The following GNB1 variants were observed in gnomAD, a reference collection of about 807,000 sequenced individuals.
GNB1 encodes guanine nucleotide-binding protein G(I)/G(S)/G(T) subunit beta-1.
GNB1 carries 2 observed loss-of-function variants against 42.9 expected under a neutral mutation model. That is an observed-to-expected ratio of 0.05 (90% CI 0.02 to 0.15). The LOEUF is 0.15. Among genes scored for constraint, GNB1 ranks in the 10% least tolerant of loss-of-function variants. The pLI is 1.00. For missense variants in GNB1, 193 were observed against 462.2 expected (o/e 0.42, Z 5.34); for synonymous variants, 183 against 174.7 (o/e 1.05, Z -0.38).
At chr1:1,822,639 A>G (rs1016589469) in intron 3 of GNB1, among the ~76,000 whole-genome samples, 1 of 152,100 alleles carries the variant, frequency 6.6e-6, no homozygotes, top group African/African-American at 2.4e-5. Context: ...TTATGTGGCA[A>G]CAAGAGCATG....
intron 7 of GNB1, among the ~76,000 whole-genome samples, chr1:1,800,150 TA>T (rs1646604625): frequency 6.6e-6 from 1 of 152,068 alleles, no homozygotes; most frequent in Non-Finnish European, 1.5e-5. Flanking sequence ...CTACATGTAC[TA>T]AAAAAATAGC....
intron 1 of GNB1, among the ~76,000 whole-genome samples, chr1:1,877,254 C>T (rs917887984): frequency 2.7e-5 from 4 of 148,256 alleles, no homozygotes; most frequent in African/African-American, 7.5e-5. Context: ...GAGCCGAGAT[C>T]GCGCCTCTGC....
chr1:1,816,342 C>T (rs1570661000), intron 4 of GNB1, among the ~76,000 whole-genome samples: 1 of 152,232 alleles, frequency 6.6e-6, no homozygotes, highest in African/African-American at 2.4e-5. Context: ...GCTGTACACA[C>T]ACCTGCTGAG....
At chr1:1,818,768 C>T (rs962703238) in intron 3 of GNB1, among the ~76,000 whole-genome samples, 1 of 152,056 alleles carries the variant, frequency 6.6e-6, no homozygotes, top group African/African-American at 2.4e-5. Flanking sequence ...GAGGCTGAGG[C>T]AGGAGAATCA....
At chr1:1,819,462 C>T (rs1646901552) in intron 3 of GNB1, among the ~76,000 whole-genome samples, 1 of 152,098 alleles carries the variant, frequency 6.6e-6, no homozygotes, top group South Asian at 2.1e-4. Flanking sequence ...CTCAGGTGAT[C>T]CGCTCATCTC....
rs1379513066 is a variant in GNB1, at chr1:1,853,908, G to T, written c.-95-14670C>A. Among the ~76,000 whole-genome samples, 6 of 152,140 alleles carry T rather than the reference G, an allele frequency of 3.9e-5. No homozygotes were observed. The East Asian group carries it at 1.2e-3, about 29-fold the overall frequency. ...CATATTATATAACAACATGAAAATA[G>T]GATAGAAGTGTCAATTGTTGATAAA... On this transcript the variant is annotated intron_variant, in intron 1 of 11. Coordinates refer to ENST00000378609, the MANE Select transcript of GNB1 (RefSeq NM_002074.5).
intron 1 of GNB1, among the ~76,000 whole-genome samples, chr1:1,846,588 C>T: frequency 6.6e-6 from 1 of 152,086 alleles, no homozygotes; most frequent in East Asian, 1.9e-4. Flanking sequence ...ATCAATCAAT[C>T]AGAGTCTCAC....
chr1:1,802,561 G>A (rs1262696795), intron 7 of GNB1, among the ~76,000 whole-genome samples: 2 of 152,090 alleles, frequency 1.3e-5, no homozygotes, highest in African/African-American at 4.8e-5. Context: ...TTGCAGTCAG[G>A]AGTTCAAGAC....
chr1:1,885,187 CG>C (rs1650079713), intron 1 of GNB1, among the ~76,000 whole-genome samples: 1 of 151,214 alleles, frequency 6.6e-6, no homozygotes, highest in Non-Finnish European at 1.5e-5. Flanking sequence ...CGGAGGCGGG[CG>C]GATCACTTGA....
intron 2 of GNB1, among the ~76,000 whole-genome samples, chr1:1,836,695 C>A (rs1647155013): frequency 6.6e-6 from 1 of 152,062 alleles, no homozygotes; most frequent in South Asian, 2.1e-4. Flanking sequence ...GGATTATAGG[C>A]ATAAGCCACT....
At chr1:1,801,902 A>G (rs757897164) in intron 7 of GNB1, among the ~76,000 whole-genome samples, 15 of 152,348 alleles carry the variant, frequency 9.8e-5, no homozygotes, top group Non-Finnish European at 1.5e-4. Context: ...AAGGACCCCC[A>G]TGAAGGCAGG....
chr1:1,795,700 C>G (rs1175034692), intron 7 of GNB1, among the ~76,000 whole-genome samples: 1 of 152,048 alleles, frequency 6.6e-6, no homozygotes, highest in African/African-American at 2.4e-5. Flanking sequence ...TTGCAGTGAG[C>G]CGAGTTCACA....
rs34703999 is a variant in GNB1, at chr1:1,791,172, A to ATT, written c.498-578_498-577dup. Reference sequence around the variant, plus strand: ...TGAGTTCTCAGTGATCACACCTGGTATTTTTTTTTTTTTTTTGAGACCGAA... The same window carrying ATT: ...TGAGTTCTCAGTGATCACACCTGGTATTTTTTTTTTTTTTTTTTGAGACCGAA... On this transcript the variant is annotated intron_variant, in intron 8 of 11. Transcript: ENST00000378609. Among the ~76,000 whole-genome samples, 1,397 of 141,874 alleles carry ATT rather than the reference A, an allele frequency of 9.8e-3. 23 individuals carry two copies. The highest frequency in any genetic ancestry group is 0.018 in the African/African-American group (697 of 38,416). 93.1% of individuals were successfully genotyped at this position (141,874 alleles called of 152,430 possible).
At chr1:1,838,349 A>C (rs1211957497) in intron 2 of GNB1, among the ~76,000 whole-genome samples, 1 of 152,226 alleles carries the variant, frequency 6.6e-6, no homozygotes. Context: ...AGACTCACTC[A>C]CTACGAACAT....
intron 5 of GNB1, among the ~76,000 whole-genome samples, chr1:1,807,315 A>G (rs1646709015): frequency 1.3e-5 from 2 of 151,396 alleles, no homozygotes; most frequent in African/African-American, 4.9e-5. Context: ...ACACAAAAAA[A>G]TAGCTGGGTA....
intron 1 of GNB1, among the ~76,000 whole-genome samples, chr1:1,864,270 C>T (rs534066138): frequency 2.2e-5 from 3 of 137,958 alleles, no homozygotes; most frequent in Non-Finnish European, 4.6e-5. Flanking sequence ...GTGCCAAGAT[C>T]GTGCCACTGC....
chr1:1,805,161 CAAAAG>C (rs1201794436), intron 6 of GNB1, among the ~76,000 whole-genome samples: 1 of 148,650 alleles, frequency 6.7e-6, no homozygotes, highest in Non-Finnish European at 1.5e-5. Context: ...GACTCCGTCT[CAAAAG>C]AAAACAAACA....
At chr1:1,861,728 T>G (rs1046280751) in intron 1 of GNB1, among the ~76,000 whole-genome samples, 2 of 151,962 alleles carry the variant, frequency 1.3e-5, no homozygotes, top group African/African-American at 4.8e-5. Context: ...AGGCTCCAGT[T>G]AGAGCTCAAA....
chr1:1,805,089 G>A (rs1646678673), intron 6 of GNB1, among the ~76,000 whole-genome samples: 1 of 152,182 alleles, frequency 6.6e-6, no homozygotes, highest in Non-Finnish European at 1.5e-5. Flanking sequence ...TTGAACCCGG[G>A]AGGCGGAGGT....
Sources: gnomAD v4.1 joint callset for allele counts (sites outside exome capture counted in the v4.1 genomes callset) on GRCh38, gnomAD v4.1.1 for gene constraint, MANE v1.5 for transcripts, NCBI Gene and HGNC (gene_info 2026-07-23, HGNC 2026-07-21) for gene names.